Variants in DNAH11 observed in about 807,000 individuals in gnomAD.
DNAH11 encodes the protein axonemal beta dynein heavy chain 11.
In DNAH11, 442 loss-of-function variants were observed where a neutral mutation model predicts 526.0. The observed-to-expected ratio is 0.84, with a 90% CI of 0.78 to 0.91. DNAH11 has a LOEUF of 0.91. Among genes scored for constraint, DNAH11 ranks in the 40% least tolerant of loss-of-function variants. The probability of loss-of-function intolerance (pLI) is 0.00; values close to 1 mark genes in which losing one functional copy is unlikely to be tolerated. For missense variants in DNAH11, 6,989 were observed against 5,448.7 expected, an observed-to-expected ratio of 1.28 and a Z score of -8.90; for synonymous variants, 2,461 against 1,935.9, an observed-to-expected ratio of 1.27 and a Z score of -7.12.
At chr7:21,886,507 G>A (rs373830970) in intron 76 of DNAH11, among the ~76,000 whole-genome samples, 1 of 152,176 alleles carries the variant, frequency 6.6e-6, no homozygotes, top group South Asian at 2.1e-4. Flanking sequence ...ATGTCAGAGA[G>A]AGACTTCCAA....
intron 44 of DNAH11, 60 bp from the exon 45 acceptor site, chr7:21,725,751 C>T (rs1785071088): frequency 6.6e-7 from 1 of 1,511,218 alleles, no homozygotes; most frequent in Admixed American, 2.1e-5. Context: ...TAATTTGTTT[C>T]TTTTTTTACA....
chr7:21,846,284 C>A (rs1320295765), intron 66 of DNAH11, among the ~76,000 whole-genome samples: 4 of 152,132 alleles, frequency 2.6e-5, no homozygotes, highest in Non-Finnish European at 5.9e-5. Flanking sequence ...AGGAGTGGAA[C>A]CTTGCCTCGT....
intron 20 of DNAH11, among the ~76,000 whole-genome samples, 196 bp from the exon 21 acceptor site, chr7:21,614,918 T>C (rs1785693545): frequency 6.6e-6 from 1 of 152,220 alleles, no homozygotes; most frequent in Non-Finnish European, 1.5e-5. Flanking sequence ...TGTTTAACAG[T>C]AATCTGTTCT....
chr7:21,664,584 G>A (rs944011890), intron 30 of DNAH11, among the ~76,000 whole-genome samples: 5 of 151,926 alleles, frequency 3.3e-5, no homozygotes, highest in Non-Finnish European at 1.5e-5. Context: ...TCATGTTCCT[G>A]AGTAGCTAGG....
chr7:21,593,464 G>A (rs1181403906), intron 14 of DNAH11, among the ~76,000 whole-genome samples: 1 of 152,188 alleles, frequency 6.6e-6, no homozygotes, highest in Non-Finnish European at 1.5e-5. Flanking sequence ...GTGTATCAGG[G>A]TGGGGAGGGT....
intron 63 of DNAH11, among the ~76,000 whole-genome samples, chr7:21,812,808 T>C (rs1227350045): frequency 1.3e-5 from 2 of 152,272 alleles, no homozygotes; most frequent in East Asian, 1.9e-4. Context: ...TTGAAATGCA[T>C]TGATGCCTGT....
In DNAH11 at chr7:21,834,736, C is replaced by A. The variant is rs180954941; in HGVS notation, c.10692-7808C>A. Among the ~76,000 whole-genome samples the A allele has an allele frequency of 1.7e-4, 26 of 152,114 alleles. 1 individual carries two copies. In the East Asian group the frequency reaches 2.7e-3, roughly 16 times the overall value. ...TGATGCATGCCTGTAGCTCTAACTA[C>A]CTGGAGGCCGAGGCAGGGGGATAGC... is the stretch of plus-strand genomic sequence containing the variant. On this transcript the variant is annotated intron_variant, in intron 65 of 81. Coordinates refer to ENST00000409508, the MANE Select transcript of DNAH11 (RefSeq NM_001277115.2).
chr7:21,725,772 C>T (rs1785072220), intron 44 of DNAH11, 39 bp from the exon 45 acceptor site: 6 of 1,566,184 alleles, frequency 3.8e-6, no homozygotes, highest in Non-Finnish European at 5.2e-6. Context: ...GTTTTAATTA[C>T]TTTGAGTCTG....
At chr7:21,789,801 CT>C (rs1554281397) in intron 61 of DNAH11, among the ~76,000 whole-genome samples, 4 of 65,702 alleles carry the variant, frequency 6.1e-5, no homozygotes, top group African/African-American at 1.5e-4. Context: ...TTCTTTCTTT[CT>C]TTCTTTTTTC....
intron 54 of DNAH11, among the ~76,000 whole-genome samples, chr7:21,760,044 T>TC (rs761132530): frequency 3.5e-4 from 54 of 152,194 alleles, no homozygotes; most frequent in Non-Finnish European, 4.0e-4. Flanking sequence ...CTTTATTTTT[T>TC]CACGGACTTT....
intron 28 of DNAH11, among the ~76,000 whole-genome samples, chr7:21,647,160 T>G (rs1471273508): frequency 5.3e-5 from 8 of 152,064 alleles, no homozygotes; most frequent in African/African-American, 1.4e-4. Flanking sequence ...AGATAGAAAA[T>G]ATTTGAAAAA....
intron 2 of DNAH11, among the ~76,000 whole-genome samples, chr7:21,548,611 C>G (rs1305038495): frequency 6.6e-6 from 1 of 152,140 alleles, no homozygotes; most frequent in Non-Finnish European, 1.5e-5. Context: ...AGCACAAGTC[C>G]TGATCCAACT....
At chr7:21,856,702 T>C (rs1302778792) in intron 68 of DNAH11, among the ~76,000 whole-genome samples, 1 of 151,916 alleles carries the variant, frequency 6.6e-6, no homozygotes, top group Non-Finnish European at 1.5e-5. Flanking sequence ...GTGTAATTAA[T>C]CAGTTAACAG....
chr7:21,753,636 A>G (rs1786505871), intron 54 of DNAH11, among the ~76,000 whole-genome samples: 1 of 152,196 alleles, frequency 6.6e-6, no homozygotes, highest in Non-Finnish European at 1.5e-5. Flanking sequence ...TCCAATAGCC[A>G]TATTAATTGT....
At chr7:21,892,144 G>A (rs1014594592) in intron 76 of DNAH11, among the ~76,000 whole-genome samples, 6 of 152,132 alleles carry the variant, frequency 3.9e-5, no homozygotes, top group Admixed American at 1.3e-4. Context: ...CTCTGTGATG[G>A]CTCATTCCTT....
intron 36 of DNAH11, among the ~76,000 whole-genome samples, chr7:21,698,936 T>G (rs1157861918): frequency 6.6e-6 from 1 of 152,120 alleles, no homozygotes; most frequent in Non-Finnish European, 1.5e-5. Flanking sequence ...TTCGAAAAAC[T>G]TATTTTATAA....
At chr7:21,783,000 A>T (rs536934126) in intron 57 of DNAH11, among the ~76,000 whole-genome samples, 1 of 114,634 alleles carries the variant, frequency 8.7e-6, no homozygotes, top group African/African-American at 3.2e-5. Context: ...CCTGATTCCA[A>T]TTTAAAATGA....
chr7:21,566,786 T>C (rs898372621), intron 6 of DNAH11, among the ~76,000 whole-genome samples: 22 of 152,332 alleles, frequency 1.4e-4, no homozygotes, highest in African/African-American at 4.8e-4. Flanking sequence ...TGCATAATGT[T>C]GGAACATTGG....
intron 61 of DNAH11, among the ~76,000 whole-genome samples, chr7:21,796,821 A>G (rs1325105507): frequency 6.6e-6 from 1 of 152,230 alleles, no homozygotes; most frequent in Non-Finnish European, 1.5e-5. Context: ...AACTGATCAA[A>G]TGCATTAACA....
Sources: gnomAD v4.1 joint callset for allele counts (sites outside exome capture counted in the v4.1 genomes callset) on GRCh38, gnomAD v4.1.1 for gene constraint, MANE v1.5 for transcripts, NCBI Gene and HGNC (gene_info 2026-07-23, HGNC 2026-07-21) for gene names.